The following DNAH5 variants were observed in gnomAD, a reference collection of about 807,000 sequenced individuals.
The protein encoded by DNAH5 is dynein axonemal heavy chain 5.
Under a neutral mutation model 518.2 loss-of-function variants are expected in DNAH5, and 372 were observed. That is an observed-to-expected ratio of 0.72 (90% CI 0.66 to 0.78). The LOEUF (loss-of-function observed/expected upper bound fraction) is 0.78. DNAH5 is among the 30% of genes least tolerant of loss of function. The pLI is 0.00. For missense variants in DNAH5, 5,523 were observed against 5,687.0 expected (o/e 0.97, Z 0.93); for synonymous variants, 2,039 against 2,025.9 (o/e 1.01, Z -0.17).
intron 75 of DNAH5, among the ~76,000 whole-genome samples, chr5:13,713,436 T>TATATATATATATATATATATACATCGAC (rs1743849637): frequency 4.4e-5 from 2 of 45,420 alleles, no homozygotes; most frequent in African/African-American, 2.0e-4. Context: ...TACATCGACA[T>TATATATATATATATATATATACATCGAC]ATATATATAT....
intron 1 of DNAH5, among the ~76,000 whole-genome samples, chr5:13,996,123 A>T (rs1203409294): frequency 1.3e-5 from 2 of 152,186 alleles, no homozygotes; most frequent in African/African-American, 2.4e-5. Flanking sequence ...TGATGATTAA[A>T]GGTGTTTCCC....
intron 1 of DNAH5, among the ~76,000 whole-genome samples, chr5:13,963,939 A>T (rs979553415): frequency 1.3e-5 from 2 of 152,164 alleles, no homozygotes; most frequent in African/African-American, 4.8e-5. Context: ...AAGTGCTGGG[A>T]TCACAGGCAT....
chr5:13,988,391 A>T lies in DNAH5; in HGVS notation c.12+23257T>A, dbSNP rs547495117. Among the ~76,000 whole-genome samples, 21 of 150,948 alleles carry T rather than the reference A, an allele frequency of 1.4e-4. No homozygotes were observed. In the East Asian group the frequency reaches 3.9e-3, roughly 28 times the overall value. ...AGGAATTGTGCTTGCTGTTTACAGG[A>T]GGTGTTATGAAAACCAAAACACCAA... On this transcript the variant is annotated intron_variant, in intron 1 of 78. Transcript: ENST00000681290.
intron 35 of DNAH5, among the ~76,000 whole-genome samples, chr5:13,833,130 CCAAAAA>C (rs1274442089): frequency 2.9e-5 from 1 of 34,850 alleles, no homozygotes; most frequent in Non-Finnish European, 5.7e-5. Context: ...AATGTGTTAT[CCAAAAA>C]AAAAAAAGAA....
chr5:13,837,916 G>A (rs1013340878), intron 35 of DNAH5, among the ~76,000 whole-genome samples: 2 of 151,902 alleles, frequency 1.3e-5, no homozygotes, highest in African/African-American at 4.8e-5. Flanking sequence ...TAGCCTGGAT[G>A]GTCCCCATCT....
intron 75 of DNAH5, among the ~76,000 whole-genome samples, chr5:13,709,128 C>T (rs967067618): frequency 6.6e-6 from 1 of 152,164 alleles, no homozygotes; most frequent in African/African-American, 2.4e-5. Flanking sequence ...ACATTATCCC[C>T]TTGACTAAAG....
chr5:13,989,535 G>C (rs1388911487), intron 1 of DNAH5, among the ~76,000 whole-genome samples: 1 of 148,568 alleles, frequency 6.7e-6, no homozygotes, highest in Non-Finnish European at 1.5e-5. Flanking sequence ...CCAGGCTGGA[G>C]TGCAGTGGCG....
intron 17 of DNAH5, among the ~76,000 whole-genome samples, chr5:13,888,994 T>C (rs902415253): frequency 6.6e-6 from 1 of 152,210 alleles, no homozygotes; most frequent in Non-Finnish European, 1.5e-5. Flanking sequence ...ATGAAAGCCA[T>C]GTAGCAACAT....
intron 1 of DNAH5, among the ~76,000 whole-genome samples, chr5:13,979,815 C>T (rs1443108337): frequency 6.6e-6 from 1 of 150,712 alleles, no homozygotes. Flanking sequence ...TTTTACTGAT[C>T]AACTGCATTT....
In DNAH5 at chr5:13,923,213, G is replaced by A; in HGVS notation, c.438+67C>T. The A allele has an allele frequency of 7.0e-6, 11 of 1,582,202 alleles. No individual in the cohort carries two copies. The South Asian group carries it at 1.2e-4, about 18-fold the overall frequency. On this transcript the variant is annotated intron_variant, in intron 4 of 78. Transcript: ENST00000265104. Reference sequence around the variant, plus strand: ...GAATACAATGATTGTCTCCACCAGAGGAATATTTGTGTGCAAGTTGTGTGT... The same window carrying A: ...GAATACAATGATTGTCTCCACCAGAAGAATATTTGTGTGCAAGTTGTGTGT...
chr5:13,872,568 T>C (rs992307905), intron 22 of DNAH5, among the ~76,000 whole-genome samples: 1 of 152,206 alleles, frequency 6.6e-6, no homozygotes, highest in Non-Finnish European at 1.5e-5. Context: ...TGGCTATGAA[T>C]GGCATATACA....
chr5:13,830,228 T>C lies in DNAH5; in HGVS notation c.6062-15A>G, dbSNP rs373753726. ...CTGTGCCAGTCCTTCGAAAGGAAAT[T>C]AAATGAAAAATCCAATTAGTATATA... is the stretch of plus-strand genomic sequence containing the variant. On this transcript the variant is annotated splice_polypyrimidine_tract_variant and intron_variant, in intron 36 of 78. Transcript: ENST00000265104. 6.2e-7 allele frequency: 1 copy of C among 1,610,950 alleles called. No individual in the cohort carries two copies. The highest frequency in any genetic ancestry group is 1.7e-5 in the Admixed American group (1 of 59,988).
chr5:13,839,602 G>C, intron 34 of DNAH5, 74 bp from the exon 35 acceptor site: 1 of 1,301,564 alleles, frequency 7.7e-7, no homozygotes, highest in Non-Finnish European at 1.1e-6. Flanking sequence ...TAGCATTCAT[G>C]TAGATCATAA....
intron 1 of DNAH5, among the ~76,000 whole-genome samples, chr5:14,010,205 T>C (rs932573284): frequency 6.6e-6 from 1 of 152,172 alleles, no homozygotes; most frequent in African/African-American, 2.4e-5. Context: ...GGAGAGGTCT[T>C]TGCAAATTTC....
At chr5:13,873,432 C>A (rs979198446) in intron 22 of DNAH5, among the ~76,000 whole-genome samples, 6 of 152,098 alleles carry the variant, frequency 3.9e-5, no homozygotes, top group Admixed American at 3.3e-4. Flanking sequence ...TTTTTCTCAT[C>A]ATCCCTATTA....
intron 1 of DNAH5, among the ~76,000 whole-genome samples, chr5:13,993,551 T>C (rs970756024): frequency 6.6e-6 from 1 of 152,230 alleles, no homozygotes; most frequent in Non-Finnish European, 1.5e-5. Context: ...ATACGGTTAA[T>C]ATGTAAGTGT....
chr5:13,942,629 T>A (rs1000367212), intron 1 of DNAH5, among the ~76,000 whole-genome samples: 2 of 152,182 alleles, frequency 1.3e-5, no homozygotes, highest in Non-Finnish European at 2.9e-5. Flanking sequence ...GGGTTCCTCA[T>A]CCTCCACCAT....
chr5:13,699,760 C>A (rs1237246005), intron 78 of DNAH5, among the ~76,000 whole-genome samples: 1 of 152,078 alleles, frequency 6.6e-6, no homozygotes, highest in East Asian at 1.9e-4. Context: ...TTATTTTATC[C>A]CTTTACTTGT....
chr5:13,894,073 T>C (rs1475684503), intron 16 of DNAH5, among the ~76,000 whole-genome samples: 1 of 150,270 alleles, frequency 6.7e-6, no homozygotes, highest in Non-Finnish European at 1.5e-5. Context: ...ACTGGGACAC[T>C]GGCATGTTAC....
Sources: gnomAD v4.1 joint callset for allele counts (sites outside exome capture counted in the v4.1 genomes callset) on GRCh38, gnomAD v4.1.1 for gene constraint, MANE v1.5 for transcripts, NCBI Gene and HGNC (gene_info 2026-07-23, HGNC 2026-07-21) for gene names.